The following CASD1 variants were observed in gnomAD, a reference collection of about 807,000 sequenced individuals.
CASD1 encodes the protein CAS1 domain sialic acid O acetyltransferase 1.
Under a neutral mutation model 100.0 loss-of-function variants are expected in CASD1, and 41 were observed. The ratio of observed to expected loss-of-function variants is 0.41; its 90% confidence interval spans 0.32 to 0.53. The LOEUF is 0.53. Among genes scored for constraint, CASD1 ranks in the 20% least tolerant of loss-of-function variants. The pLI, the probability that CASD1 is intolerant of heterozygous loss-of-function variation, is 0.25. For missense variants in CASD1, 774 were observed against 948.7 expected (o/e 0.82, Z 2.42); for synonymous variants, 321 against 315.6 (o/e 1.02, Z -0.18).
chr7:94,520,299 C>T (rs2116216413), intron 3 of CASD1, among the ~76,000 whole-genome samples: 1 of 152,238 alleles, frequency 6.6e-6, no homozygotes, highest in East Asian at 1.9e-4. Flanking sequence ...AAGCTTACTA[C>T]TTTTATTTAA....
the CASD1 span, chr7:94,587,918 C>T: frequency 7.0e-5 from 102 of 1,457,370 alleles, no homozygotes; most frequent in Middle Eastern, 1.0e-3. Context: ...TAATAGTTTC[C>T]CTACCACAAT....
intron 3 of CASD1, among the ~76,000 whole-genome samples, chr7:94,520,321 G>A (rs961913029): frequency 6.6e-6 from 1 of 151,954 alleles, no homozygotes; most frequent in Non-Finnish European, 1.5e-5. Context: ...GCCTGGTATG[G>A]GTATGTCTGG....
At chr7:94,596,026 A>G in the CASD1 span, among the ~76,000 whole-genome samples, 1 of 152,264 alleles carries the variant, frequency 6.6e-6, no homozygotes, top group African/African-American at 2.4e-5. Flanking sequence ...GTGCTAGTTA[A>G]TGGAGCTTTT....
the CASD1 span, chr7:94,627,959 G>A: frequency 0.15 from 70,176 of 477,016 alleles, 5,697 homozygotes; most frequent in East Asian, 0.23. Flanking sequence ...TCTCTTTTAA[G>A]GTCATATTTT....
the CASD1 span, chr7:94,619,687 A>AT: frequency 5.3e-5 from 8 of 152,194 alleles, no homozygotes; most frequent in African/African-American, 1.7e-4. Context: ...ATAAAGGTTA[A>AT]TTTTTTAAAT....
intron 1 of CASD1, among the ~76,000 whole-genome samples, chr7:94,516,448 C>T (rs747189817): frequency 3.9e-5 from 6 of 152,144 alleles, no homozygotes; most frequent in Non-Finnish European, 7.4e-5. Context: ...TATCTCTACC[C>T]TGAAATGCTC....
At chr7:94,573,640 G>A in the CASD1 span, among the ~76,000 whole-genome samples, 1 of 152,090 alleles carries the variant, frequency 6.6e-6, no homozygotes, top group African/African-American at 2.4e-5. Flanking sequence ...GAGACTATTG[G>A]GTTTTTCAGG....
the CASD1 span, among the ~76,000 whole-genome samples, chr7:94,611,220 T>G: frequency 5.9e-5 from 9 of 152,210 alleles, no homozygotes; most frequent in Non-Finnish European, 2.9e-5. Context: ...ACATCATTCA[T>G]GGTCAACAAG....
At chr7:94,618,840 C>T in the CASD1 span, 14 of 1,614,096 alleles carry the variant, frequency 8.7e-6, 1 homozygote, top group Middle Eastern at 2.0e-3. Flanking sequence ...TTCAGGCGCT[C>T]TGGCTGCCAC....
At chr7:94,604,807 A>ATATATATG in the CASD1 span, among the ~76,000 whole-genome samples, 2 of 2,908 alleles carry the variant, frequency 6.9e-4, no homozygotes, top group Non-Finnish European at 1.6e-3. Flanking sequence ...TGGTGCTGGA[A>ATATATATG]TATATATATA....
chr7:94,591,900 A>T, the CASD1 span, among the ~76,000 whole-genome samples: 5 of 152,220 alleles, frequency 3.3e-5, no homozygotes, highest in Non-Finnish European at 7.3e-5. Flanking sequence ...ACTGAAAAGT[A>T]TCCATAGTGG....
intron 8 of CASD1, 57 bp downstream of exon 8, chr7:94,535,580 C>T (rs529939069): frequency 8.2e-7 from 1 of 1,225,484 alleles, no homozygotes; most frequent in South Asian, 1.3e-5. Flanking sequence ...TTGCTTTAAG[C>T]CATAAGTCAT....
At chr7:94,511,092 GT>G (rs796123506) in intron 1 of CASD1, among the ~76,000 whole-genome samples, 3 of 151,988 alleles carry the variant, frequency 2.0e-5, no homozygotes, top group African/African-American at 4.8e-5. Context: ...CTGATTGATT[GT>G]TTTTTTTCCT....
At chr7:94,607,294 A>G in the CASD1 span, among the ~76,000 whole-genome samples, 1 of 152,184 alleles carries the variant, frequency 6.6e-6, no homozygotes, top group Non-Finnish European at 1.5e-5. Flanking sequence ...TTCCTATCTC[A>G]TTCTATGAAA....
chr7:94,556,855 G>C lies in CASD1; in HGVS notation c.*1097G>C, dbSNP rs1796226293. On this transcript the variant is annotated 3_prime_UTR_variant, in exon 18 of 18. Transcript: ENST00000297273. ...AGATTTGATTATGATTTTAATGTTTGAAAGATTGCACTTGTTTGCTTTTAC... is the reference window on the plus strand; with the variant it reads ...AGATTTGATTATGATTTTAATGTTTCAAAGATTGCACTTGTTTGCTTTTAC... The C allele has an allele frequency of 6.6e-6, 1 of 151,936 alleles. No individual in the cohort carries two copies. The highest frequency in any genetic ancestry group is 2.4e-5 in the African/African-American group (1 of 41,424). 9.4% of individuals were successfully genotyped at this position (151,936 alleles called of 1,614,324 possible).
intron 13 of CASD1, among the ~76,000 whole-genome samples, chr7:94,548,136 G>A (rs1032311052): frequency 1.3e-5 from 2 of 151,692 alleles, no homozygotes; most frequent in Non-Finnish European, 3.0e-5. Flanking sequence ...AACACTCTGT[G>A]GATACTGCTG....
chr7:94,631,818 C>T, the CASD1 span, among the ~76,000 whole-genome samples: 4 of 151,920 alleles, frequency 2.6e-5, no homozygotes, highest in African/African-American at 4.8e-5. Flanking sequence ...AGGATCACAA[C>T]CCTACATCCA....
chr7:94,535,660 C>T (rs1795082628), intron 8 of CASD1, 137 bp downstream of exon 8: 3 of 648,632 alleles, frequency 4.6e-6, no homozygotes, highest in Non-Finnish European at 7.9e-6. Context: ...TATAAAGATA[C>T]ATCTAGAAAT....
In CASD1 at chr7:94,517,747, A is replaced by G. The variant is rs1177442512; in HGVS notation, c.230+91A>G. The G allele has an allele frequency of 1.1e-5, 8 of 747,604 alleles. No individual in the cohort carries two copies. The East Asian group carries it at 1.5e-4, about 14-fold the overall frequency. The allele number at this position is 747,604 out of a possible 1,614,324, so 46.3% of individuals were successfully genotyped here. On this transcript the variant is annotated intron_variant, in intron 2 of 17. Coordinates refer to ENST00000297273, the MANE Select transcript of CASD1 (RefSeq NM_022900.5). ...TGGTGAAACAGTACTTTTCATCTCTATGTTGGGGTAGAGACTTGCTGACTG... is the reference window on the plus strand; with the variant it reads ...TGGTGAAACAGTACTTTTCATCTCTGTGTTGGGGTAGAGACTTGCTGACTG...
Sources: gnomAD v4.1 joint callset for allele counts (sites outside exome capture counted in the v4.1 genomes callset) on GRCh38, gnomAD v4.1.1 for gene constraint, MANE v1.5 for transcripts, NCBI Gene and HGNC (gene_info 2026-07-23, HGNC 2026-07-21) for gene names.